The following BARD1 variants were observed in gnomAD, a reference collection of about 807,000 sequenced individuals.
BARD1 encodes the protein BRCA1-associated RING domain protein 1.
In BARD1, 73 loss-of-function variants were observed where a neutral mutation model predicts 77.0. That is an observed-to-expected ratio of 0.95 (90% CI 0.79 to 1.15). The LOEUF (loss-of-function observed/expected upper bound fraction) is 1.15, where lower values mean the gene tolerates loss of function less well. BARD1 is among the 50% of genes most tolerant of loss of function. BARD1 has a pLI of 0.00. For missense variants in BARD1, 993 were observed against 938.8 expected, an observed-to-expected ratio of 1.06 and a Z score of -0.75; for synonymous variants, 384 against 338.0, an observed-to-expected ratio of 1.14 and a Z score of -1.49.
intron 6 of BARD1, among the ~76,000 whole-genome samples, chr2:214,766,443 A>G (rs536547114): frequency 1.3e-5 from 2 of 152,246 alleles, no homozygotes; most frequent in African/African-American, 4.8e-5. Context: ...TATTTCTACA[A>G]TAACTGCTTA....
intron 3 of BARD1, 33 bp downstream of exon 3, chr2:214,792,264 A>G (rs778168023): frequency 2.1e-5 from 33 of 1,607,460 alleles, no homozygotes; most frequent in Non-Finnish European, 2.7e-5. Flanking sequence ...TTAACTGATG[A>G]ATTTAACTAA....
At chr2:214,743,425 A>C (rs1323259907) in intron 9 of BARD1, among the ~76,000 whole-genome samples, 1 of 152,220 alleles carries the variant, frequency 6.6e-6, no homozygotes. Flanking sequence ...TTAACATCTT[A>C]TTTAAAAATA....
chr2:214,755,956 A>G (rs1014039108), intron 6 of BARD1, among the ~76,000 whole-genome samples: 1 of 152,254 alleles, frequency 6.6e-6, no homozygotes, highest in African/African-American at 2.4e-5. Flanking sequence ...GTATATTAAT[A>G]TCTTTTACAT....
chr2:214,796,899 G>T, intron 2 of BARD1, 162 bp downstream of exon 2: 1 of 644,040 alleles, frequency 1.6e-6, no homozygotes, highest in East Asian at 2.6e-5. Context: ...TGTAAATTAA[G>T]ACACAGTTTT....
In BARD1 at chr2:214,745,151, CAT is replaced by C. The variant is rs587782897; in HGVS notation, c.1817_1818del (p.His606ArgfsTer6). 6.2e-7 allele frequency: 1 copy of C among 1,613,468 alleles called. No homozygotes were observed. Among genetic ancestry groups the C allele is most frequent in the Non-Finnish European group, 8.5e-7 (1 of 1,179,610 alleles). ...KYTEFDSTVT[H>X]VVVPGDAVQS... ...TGAACTGCATCACCAGGAACAACAA[CAT>C]GAGTTACTAAAATACAAAAAAAGCA... On this transcript the variant is annotated frameshift_variant, in exon 9 of 11. Coordinates refer to ENST00000260947, the MANE Select transcript of BARD1 (RefSeq NM_000465.4). LOFTEE classifies it high-confidence loss of function.
chr2:214,745,001 A>C, intron 9 of BARD1, 66 bp downstream of exon 9: 1 of 1,332,554 alleles, frequency 7.5e-7, no homozygotes, highest in East Asian at 2.4e-5. Flanking sequence ...AATCACAGGC[A>C]TTAATAACCA....
Position 214,726,333 on chromosome 2 carries a change from G to C in BARD1, c.*2343C>G, listed in dbSNP as rs1574697167. The C allele has an allele frequency of 5.0e-6, 1 of 201,538 alleles. No homozygotes were observed. Among genetic ancestry groups the C allele is most frequent in the East Asian group, 7.7e-5 (1 of 12,922 alleles). 12.5% of individuals were successfully genotyped at this position (201,538 alleles called of 1,614,324 possible). A position where few individuals can be genotyped will look rare whatever the true frequency, so the allele number is the denominator to read the frequency against. ...ACAGTTATAAATTCAAGTAGAACTA[G>C]AAAATAGCCATGAGAATGTGGAAAA... On this transcript the variant is annotated 3_prime_UTR_variant, in exon 11 of 11. Transcript: ENST00000260947.
At chr2:214,796,910 A>T in intron 2 of BARD1, 151 bp downstream of exon 2, 1 of 686,064 alleles carries the variant, frequency 1.5e-6, no homozygotes, top group Non-Finnish European at 2.6e-6. Context: ...ACACAGTTTT[A>T]AAGATCAAAC....
intron 9 of BARD1, among the ~76,000 whole-genome samples, chr2:214,733,240 C>T (rs1409829427): frequency 6.6e-6 from 1 of 152,188 alleles, no homozygotes; most frequent in African/African-American, 2.4e-5. Flanking sequence ...TTTGAAACCA[C>T]AAGTGTTTTA....
At position 214,782,255 on chromosome 2, in the gene BARD1, A is replaced by C. The variant is rs191296630; in HGVS notation, c.365-746T>G. On this transcript the variant is annotated intron_variant, in intron 3 of 10. Transcript: ENST00000260947. ...TCAAACATAATCTCTTAAGCAAAAT[A>C]AACTACATACACATTATATGTTTTC... 2.6e-5 allele frequency among the ~76,000 whole-genome samples: 4 copies of C among 152,274 alleles called. No individual in the cohort carries two copies. In the East Asian group the frequency reaches 7.7e-4, roughly 29 times the overall value.
chr2:214,793,053 A>C (rs952364982), intron 2 of BARD1, among the ~76,000 whole-genome samples: 1 of 152,156 alleles, frequency 6.6e-6, no homozygotes, highest in Non-Finnish European at 1.5e-5. Flanking sequence ...AGAGGGATTC[A>C]CGATCCCCCC....
Position 214,726,953 on chromosome 2 carries a change from T to C in BARD1, c.*1723A>G. ...ACACAAACCTGTCTAAAATGTGACC[T>C]ATGAGGCAACAGAAAGTGACTTAAA... On this transcript the variant is annotated 3_prime_UTR_variant, in exon 11 of 11. Transcript: ENST00000260947. 1 of 226,322 alleles carries C rather than the reference T, an allele frequency of 4.4e-6. No individual in the cohort carries two copies. Among genetic ancestry groups the C allele is most frequent in the East Asian group, 6.4e-5 (1 of 15,646 alleles). 14.0% of individuals were successfully genotyped at this position (226,322 alleles called of 1,614,324 possible). A position where few individuals can be genotyped will look rare whatever the true frequency, so the allele number is the denominator to read the frequency against.
At chr2:214,798,478 T>C (rs965874016) in intron 1 of BARD1, among the ~76,000 whole-genome samples, 1 of 152,192 alleles carries the variant, frequency 6.6e-6, no homozygotes, top group African/African-American at 2.4e-5. Context: ...TTCTATTTCG[T>C]GGCAAGCTCC....
At chr2:214,783,063 G>A (rs1172506925) in intron 3 of BARD1, among the ~76,000 whole-genome samples, 4 of 152,152 alleles carry the variant, frequency 2.6e-5, no homozygotes, top group Admixed American at 6.5e-5. Context: ...GGACTGGTTC[G>A]AGAACTCCCT....
At position 214,781,067 on chromosome 2, in the gene BARD1, A is replaced by C. The variant is rs1420328641; in HGVS notation, c.807T>G (p.Ser269=). The C allele has an allele frequency of 1.2e-6, 2 of 1,602,560 alleles. No homozygotes were observed. The highest frequency in any genetic ancestry group is 1.3e-5 in the African/African-American group (1 of 74,228). The change falls in exon 4 of 11, where the codon TCT becomes TCG. Residue 269 remains serine (S), a synonymous_variant. Coordinates refer to ENST00000260947, the MANE Select transcript of BARD1 (RefSeq NM_000465.4). ...DLLASGSLTE[S]ECFGSLTEVS... is the part of the protein sequence containing the mutation. Reference sequence around the variant, plus strand: ...CTTCAGTTAAACTTCCAAAACATTCAGATTCTGTCAAGGAGCCACTTGCTA... The same window carrying C: ...CTTCAGTTAAACTTCCAAAACATTCCGATTCTGTCAAGGAGCCACTTGCTA...
intron 6 of BARD1, among the ~76,000 whole-genome samples, chr2:214,757,231 C>T (rs945194398): frequency 5.3e-5 from 8 of 151,612 alleles, no homozygotes; most frequent in Non-Finnish European, 7.4e-5. Flanking sequence ...CCTAAAAATT[C>T]AAAGGCTCTA....
At chr2:214,765,648 G>T (rs11687664) in intron 6 of BARD1, among the ~76,000 whole-genome samples, 152,321 of 152,334 alleles carry the variant, frequency 1, 76,154 homozygotes, top group Non-Finnish European at 1. Context: ...AATAATTTGC[G>T]TTACCAAATA....
chr2:214,797,343 T>C (rs1695806907), intron 1 of BARD1, among the ~76,000 whole-genome samples: 1 of 152,232 alleles, frequency 6.6e-6, no homozygotes, highest in South Asian at 2.1e-4. Flanking sequence ...CAAGTTGTAA[T>C]ACATTTTAAA....
chr2:214,801,666 T>C (rs1432800462), intron 1 of BARD1, among the ~76,000 whole-genome samples: 1 of 152,196 alleles, frequency 6.6e-6, no homozygotes, highest in African/African-American at 2.4e-5. Flanking sequence ...ATTCATGCCA[T>C]GTAACATCTA....
Sources: allele counts gnomAD v4.1 joint callset (sites outside exome capture counted in the v4.1 genomes callset), GRCh38; gene constraint gnomAD v4.1.1; transcripts MANE v1.5; gene names NCBI Gene and HGNC (gene_info 2026-07-23, HGNC 2026-07-21).